The following ZNF547 variants were observed in gnomAD, a reference collection of about 807,000 sequenced individuals.
The protein encoded by ZNF547 is zinc finger protein 547.
ZNF547 carries 4 observed loss-of-function variants against 7.7 expected under a neutral mutation model. That is an observed-to-expected ratio of 0.52 (90% CI 0.26 to 1.20). ZNF547 has a LOEUF of 1.20. Ranked by LOEUF, ZNF547 falls within the 50% of genes most tolerant of loss-of-function variation. The pLI is 0.14. For missense variants in ZNF547, 449 were observed against 485.8 expected, an observed-to-expected ratio of 0.92 and a Z score of 0.71; for synonymous variants, 166 against 166.2, an observed-to-expected ratio of 1.00 and a Z score of 0.01.
In ZNF547 at chr19:57,377,552, G is replaced by A. The variant is rs750066064; in HGVS notation, c.576G>A (p.Leu192=). 4.3e-6 allele frequency: 7 copies of A among 1,614,056 alleles called. No individual in the cohort carries two copies. The highest frequency in any genetic ancestry group is 5.1e-6 in the Non-Finnish European group (6 of 1,180,044). ...RTYKCSKCGI[L]FMERSTLNRH... ...ATAAGTGCAGCAAATGTGGGATATT[G>A]TTTATGGAAAGGTCCACACTCAATA... The change falls in exon 4 of 4, where the codon TTG becomes TTA. Residue 192 remains leucine (L), a synonymous_variant. Transcript: ENST00000282282.
chr19:57,378,834 A>C lies in ZNF547; in HGVS notation c.*649A>C. 1 of 391,950 alleles carries C rather than the reference A, an allele frequency of 2.6e-6. No homozygotes were observed. The allele number at this position is 391,950 out of a possible 1,614,324, so 24.3% of individuals were successfully genotyped here. A position where few individuals can be genotyped will look rare whatever the true frequency, so the allele number is the denominator to read the frequency against. The stretch of plus-strand genomic sequence containing the variant: ...TGTAAAATGAAACTCTATAACCACC[A>C]TTAAAAAAACAACTCATTCCCACAT... On this transcript the variant is annotated 3_prime_UTR_variant, in exon 4 of 4. Coordinates refer to ENST00000282282, the MANE Select transcript of ZNF547 (RefSeq NM_173631.4).
chr19:57,373,418 A>G (rs990072886), intron 3 of ZNF547, among the ~76,000 whole-genome samples: 6 of 151,862 alleles, frequency 4.0e-5, no homozygotes, highest in Admixed American at 3.3e-4. Flanking sequence ...GAGCCTAACC[A>G]TATTATTCCA....
At chr19:57,370,044 C>A (rs1346977537) in intron 2 of ZNF547, among the ~76,000 whole-genome samples, 3 of 151,688 alleles carry the variant, frequency 2.0e-5, no homozygotes, top group Non-Finnish European at 4.4e-5. Flanking sequence ...AGACTCACCC[C>A]ACTACGCCCA....
intron 3 of ZNF547, among the ~76,000 whole-genome samples, chr19:57,374,186 C>G (rs976986262): frequency 6.6e-6 from 1 of 152,244 alleles, no homozygotes; most frequent in East Asian, 1.9e-4. Context: ...ACCCACAGGC[C>G]CAACACCATG....
chr19:57,374,215 G>A (rs1004552224), intron 3 of ZNF547, among the ~76,000 whole-genome samples: 1 of 152,252 alleles, frequency 6.6e-6, no homozygotes, highest in African/African-American at 2.4e-5. Context: ...ACCAAGGCTT[G>A]GGGCTTAAAC....
rs116248137 is a variant in ZNF547, at chr19:57,374,309, C to T, written c.151+2401C>T. On this transcript the variant is annotated intron_variant, in intron 3 of 3. Transcript: ENST00000282282. The stretch of plus-strand genomic sequence containing the variant: ...AGCTGGGATGCAGGGCGCCATGTCC[C>T]GAGGCTGCATAGAGCAGGGGGACCC... 3.1e-3 allele frequency among the ~76,000 whole-genome samples: 469 copies of T among 152,128 alleles called. 3 individuals carry two copies. Among genetic ancestry groups the T allele is most frequent in the African/African-American group, 0.01 (433 of 41,482 alleles).
intron 2 of ZNF547, 108 bp from the exon 3 acceptor site, chr19:57,371,674 T>C: frequency 2.0e-6 from 3 of 1,475,368 alleles, no homozygotes; most frequent in Non-Finnish European, 2.7e-6. Flanking sequence ...AGCTGTTAGT[T>C]TGTCCCTGTG....
At chr19:57,374,584 T>A (rs1600078312) in intron 3 of ZNF547, among the ~76,000 whole-genome samples, 2 of 152,396 alleles carry the variant, frequency 1.3e-5, no homozygotes, top group East Asian at 3.8e-4. Context: ...TTTTCTTTTC[T>A]ATTGCATAGC....
chr19:57,371,376 A>T (rs972389489), intron 2 of ZNF547, among the ~76,000 whole-genome samples: 5 of 152,256 alleles, frequency 3.3e-5, no homozygotes, highest in African/African-American at 1.2e-4. Flanking sequence ...ACAGGGCCAC[A>T]CGGTGAAACA....
At chr19:57,365,320 G>C in intron 1 of ZNF547, 1 of 1,099,898 alleles carries the variant, frequency 9.1e-7, no homozygotes. Flanking sequence ...TGTGTACATT[G>C]TAAATTACTT....
rs796323698 is a variant in ZNF547 at position 57,368,269 on chromosome 19, G to A, written c.-12-275G>A. ...AACAGTAATAGCTGATATATATGAT[G>A]AGCAACGAGTGTTTGACACCGGTAA... is the stretch of plus-strand genomic sequence containing the variant. On this transcript the variant is annotated intron_variant, in intron 1 of 3. Coordinates refer to ENST00000282282, the MANE Select transcript of ZNF547 (RefSeq NM_173631.4). 3 of 398,788 alleles carry A rather than the reference G, an allele frequency of 7.5e-6. 1 individual carries two copies. Among genetic ancestry groups the A allele is most frequent in the African/African-American group, 4.1e-5 (2 of 48,980 alleles). 24.7% of individuals were successfully genotyped at this position (398,788 alleles called of 1,614,324 possible).
intron 2 of ZNF547, 147 bp from the exon 3 acceptor site, chr19:57,371,635 A>G (rs2088504912): frequency 2.4e-6 from 3 of 1,241,008 alleles, no homozygotes; most frequent in Non-Finnish European, 2.2e-6. Context: ...ATATGTGCCC[A>G]GGATGGTAGG....
chr19:57,364,797 G>T (rs1457591349), intron 1 of ZNF547: 1 of 1,535,672 alleles, frequency 6.5e-7, no homozygotes, highest in South Asian at 1.2e-5. Context: ...CGTTTCCGTT[G>T]TCGGCCTCCC....
chr19:57,365,288 C>A, intron 1 of ZNF547: 1 of 1,386,702 alleles, frequency 7.2e-7, no homozygotes, highest in Non-Finnish European at 1.0e-6. Flanking sequence ...ATTATATCAC[C>A]ACAATGGTGT....
chr19:57,377,833 A>G lies in ZNF547; in HGVS notation c.857A>G (p.His286Arg), dbSNP rs1399838474. The G allele has an allele frequency of 2.4e-5, 38 of 1,614,074 alleles. No individual in the cohort carries two copies. The highest frequency in any genetic ancestry group is 2.5e-5 in the Non-Finnish European group (30 of 1,180,026). ...FFKCNSNLFR[H>R]YRIHTGKRSY... ...AAGTGCAACTCAAACCTCTTTAGGC[A>G]TTACAGAATTCATACAGGAAAAAGG... Residue 286 changes from histidine to arginine, a missense_variant, in exon 4 of 4, where the codon CAT becomes CGT. Coordinates refer to ENST00000282282, the MANE Select transcript of ZNF547 (RefSeq NM_173631.4).
chr19:57,376,024 G>A (rs996638441), intron 3 of ZNF547, among the ~76,000 whole-genome samples: 16 of 152,162 alleles, frequency 1.1e-4, no homozygotes, highest in Admixed American at 3.3e-4. Flanking sequence ...TTAGCCAGGC[G>A]TGGTGGCACG....
chr19:57,378,638 A>C lies in ZNF547; in HGVS notation c.*453A>C, dbSNP rs1040219496. On this transcript the variant is annotated 3_prime_UTR_variant, in exon 4 of 4. Coordinates refer to ENST00000282282, the MANE Select transcript of ZNF547 (RefSeq NM_173631.4). Reference sequence around the variant, plus strand: ...TTGAATGTAGCCAAAATGACGAACAACACCCAGAAATCTGTGATTTAGCAC... The same window carrying C: ...TTGAATGTAGCCAAAATGACGAACACCACCCAGAAATCTGTGATTTAGCAC... 1 of 357,102 alleles carries C rather than the reference A, an allele frequency of 2.8e-6. No homozygotes were observed. The allele number at this position is 357,102 out of a possible 1,614,324, so 22.1% of individuals were successfully genotyped here.
rs1417335298 is a variant in ZNF547 at position 57,379,347 on chromosome 19, A to G, written c.*1162A>G. ...TAATCCATAGAAGGCAACATTTCTA[A>G]CAGGTTTCTAGGTGATTTTGTTGTT... On this transcript the variant is annotated 3_prime_UTR_variant, in exon 4 of 4. Coordinates refer to ENST00000282282, the MANE Select transcript of ZNF547 (RefSeq NM_173631.4). 6.6e-6 allele frequency: 1 copy of G among 152,192 alleles called. No homozygotes were observed. Among genetic ancestry groups the G allele is most frequent in the Non-Finnish European group, 1.5e-5 (1 of 68,052 alleles). The allele number at this position is 152,192 out of a possible 1,614,324, so 9.4% of individuals were successfully genotyped here.
Position 57,378,528 on chromosome 19 carries a change from A to G in ZNF547, c.*343A>G, listed in dbSNP as rs972109042. 8 of 443,194 alleles carry G rather than the reference A, an allele frequency of 1.8e-5. No individual in the cohort carries two copies. Among genetic ancestry groups the G allele is most frequent in the South Asian group, 5.4e-5 (3 of 55,308 alleles). 27.5% of individuals were successfully genotyped at this position (443,194 alleles called of 1,614,324 possible). ...ACACTAGTGAAAGTCTTCTGAGTAC[A>G]GCAAATGTGTGACATTATTTTGCTA... On this transcript the variant is annotated 3_prime_UTR_variant, in exon 4 of 4. Transcript: ENST00000282282.
Sources: allele counts gnomAD v4.1 joint callset (sites outside exome capture counted in the v4.1 genomes callset), GRCh38; gene constraint gnomAD v4.1.1; transcripts MANE v1.5; gene names NCBI Gene and HGNC (gene_info 2026-07-23, HGNC 2026-07-21).